QNG1: variants seen among roughly 807,000 people sequenced by gnomAD.
QNG1 encodes the protein queuosine 5'-phosphate N-glycosylase/hydrolase.
the QNG1 span, chr9:83,953,822 GATC>G: frequency 1.3e-6 from 2 of 1,547,764 alleles, no homozygotes; most frequent in Admixed American, 2.0e-5. Flanking sequence ...CCAACAAAAT[GATC>G]ATCATTTGTT....
the QNG1 span, among the ~76,000 whole-genome samples, chr9:83,941,547 T>C: frequency 1.3e-5 from 2 of 152,026 alleles, no homozygotes; most frequent in African/African-American, 4.8e-5. Context: ...GTTATGATCA[T>C]GCCACTGCAC....
the QNG1 span, among the ~76,000 whole-genome samples, chr9:83,953,488 C>T: frequency 6.6e-6 from 1 of 151,052 alleles, no homozygotes; most frequent in Non-Finnish European, 1.5e-5. Context: ...GCTGGGATTA[C>T]AGGCACCCAC....
chr9:83,950,242 G>A, the QNG1 span, among the ~76,000 whole-genome samples: 1 of 151,838 alleles, frequency 6.6e-6, no homozygotes, highest in Non-Finnish European at 1.5e-5. Flanking sequence ...TAGAGACGGG[G>A]TTTCACCACG....
At chr9:83,949,750 AATAG>A in the QNG1 span, among the ~76,000 whole-genome samples, 60 of 152,044 alleles carry the variant, frequency 3.9e-4, no homozygotes, top group African/African-American at 1.3e-3. Flanking sequence ...AGTTTATTAT[AATAG>A]ATAGAAGCCA....
At chr9:83,953,711 G>A in the QNG1 span, 1 of 937,704 alleles carries the variant, frequency 1.1e-6, no homozygotes, top group East Asian at 2.7e-5. Context: ...AGGCTGGAGT[G>A]CGGTGGCGTA....
the QNG1 span, chr9:83,956,305 T>G: frequency 6.2e-7 from 1 of 1,614,018 alleles, no homozygotes; most frequent in African/African-American, 1.3e-5. Context: ...AACACCCAGT[T>G]GACCGCGGCC....
At chr9:83,941,061 G>A in the QNG1 span, among the ~76,000 whole-genome samples, 1 of 152,194 alleles carries the variant, frequency 6.6e-6, no homozygotes. Context: ...TGGCCACGGA[G>A]GCAGACGCTC....
At chr9:83,945,196 G>A in the QNG1 span, among the ~76,000 whole-genome samples, 1 of 151,566 alleles carries the variant, frequency 6.6e-6, no homozygotes, top group Non-Finnish European at 1.5e-5. Context: ...TTGAGCCCAG[G>A]AGTTCAAGAC....
chr9:83,949,055 C>T, the QNG1 span, among the ~76,000 whole-genome samples: 22 of 150,900 alleles, frequency 1.5e-4, no homozygotes, highest in Non-Finnish European at 2.8e-4. Context: ...CCTGCCAAAT[C>T]CCCCTCTCCA....
the QNG1 span, among the ~76,000 whole-genome samples, chr9:83,954,853 C>T: frequency 8.0e-6 from 1 of 125,468 alleles, no homozygotes; most frequent in African/African-American, 3.1e-5. Flanking sequence ...GCACTCTAGC[C>T]TGGGTGACAG....
At chr9:83,956,169 T>C in the QNG1 span, 1 of 1,609,708 alleles carries the variant, frequency 6.2e-7, no homozygotes, top group Non-Finnish European at 8.5e-7. Flanking sequence ...CCAACCTTCG[T>C]CGAGGGCTCT....
the QNG1 span, among the ~76,000 whole-genome samples, chr9:83,945,542 T>A: frequency 6.6e-6 from 1 of 152,146 alleles, no homozygotes; most frequent in African/African-American, 2.4e-5. Context: ...TACTACTTAC[T>A]ATTCTTTTTC....
At chr9:83,941,244 G>C in the QNG1 span, among the ~76,000 whole-genome samples, 1 of 152,204 alleles carries the variant, frequency 6.6e-6, no homozygotes, top group Non-Finnish European at 1.5e-5. Flanking sequence ...ATAGATAATA[G>C]TAGTGGGTTG....
At chr9:83,938,571 T>A in the QNG1 span, 1 of 152,066 alleles carries the variant, frequency 6.6e-6, no homozygotes, top group Non-Finnish European at 1.5e-5. Flanking sequence ...GATGAAATAT[T>A]ATCACTGAAG....
At chr9:83,948,163 C>T in the QNG1 span, among the ~76,000 whole-genome samples, 13 of 150,650 alleles carry the variant, frequency 8.6e-5, no homozygotes, top group African/African-American at 2.0e-4. Context: ...TGTCCGGCCG[C>T]GACCCCGTCT....
chr9:83,945,608 T>C, the QNG1 span, among the ~76,000 whole-genome samples: 8 of 152,094 alleles, frequency 5.3e-5, no homozygotes, highest in African/African-American at 1.7e-4. Flanking sequence ...CTTATTATTA[T>C]TATTATTTTT....
At chr9:83,948,629 G>C in the QNG1 span, among the ~76,000 whole-genome samples, 3 of 150,898 alleles carry the variant, frequency 2.0e-5, no homozygotes, top group African/African-American at 7.4e-5. Flanking sequence ...CCATGATGAC[G>C]ATGGCGGTTT....
At chr9:83,945,749 C>T in the QNG1 span, among the ~76,000 whole-genome samples, 5 of 151,702 alleles carry the variant, frequency 3.3e-5, no homozygotes, top group East Asian at 5.9e-4. Flanking sequence ...CTACGGGCGC[C>T]GTCACCACGC....
the QNG1 span, chr9:83,939,166 T>C: frequency 5.6e-5 from 13 of 232,918 alleles, no homozygotes; most frequent in Non-Finnish European, 9.4e-5. Flanking sequence ...CTCCACCTTC[T>C]GAGTTCAAGC....
Sources: gnomAD v4.1 joint callset for allele counts (sites outside exome capture counted in the v4.1 genomes callset) on GRCh38, gnomAD v4.1.1 for gene constraint, MANE v1.5 for transcripts, NCBI Gene and HGNC (gene_info 2026-07-23, HGNC 2026-07-21) for gene names.